TEX11: variants seen among roughly 807,000 people sequenced by gnomAD.
TEX11 encodes the protein testis expressed 11.
TEX11 carries 7 observed loss-of-function variants against 84.4 expected under a neutral mutation model. The ratio of observed to expected loss-of-function variants is 0.08; its 90% confidence interval spans 0.05 to 0.16. The LOEUF is 0.16. Among genes scored for constraint, TEX11 ranks in the 10% least tolerant of loss-of-function variants. TEX11 has a pLI of 1.00. For synonymous variants in TEX11, 264 were observed against 222.8 expected (o/e 1.18, Z -1.64); for missense variants, 551 against 660.5 (o/e 0.83, Z 1.82).
chrX:70,577,268 A>T (rs768325130), intron 25 of TEX11, among the ~76,000 whole-genome samples: 1 of 112,022 alleles, frequency 8.9e-6, no homozygotes, highest in East Asian at 2.8e-4. Flanking sequence ...GGATGGAAGA[A>T]ACAGAAAAAA....
the TEX11 span, among the ~76,000 whole-genome samples, chrX:70,512,343 C>T: frequency 1.9e-5 from 2 of 107,916 alleles, no homozygotes; most frequent in Admixed American, 2.0e-4. Flanking sequence ...CTCAGCCTCC[C>T]GAATAGCTGG....
chrX:70,625,776 CT>C (rs36048662), intron 18 of TEX11, among the ~76,000 whole-genome samples: 45,534 of 94,906 alleles, frequency 0.48, 9,680 homozygotes, highest in African/African-American at 0.72. Flanking sequence ...TTTTCTTTTT[CT>C]TTTTTTTTTT....
chrX:70,516,563 A>C, the TEX11 span, among the ~76,000 whole-genome samples: 109 of 111,610 alleles, frequency 9.8e-4, no homozygotes, highest in African/African-American at 3.5e-3. Flanking sequence ...GTGATGCCTC[A>C]AGCTTTGTTC....
intron 7 of TEX11, among the ~76,000 whole-genome samples, chrX:70,847,060 C>G (rs953996096): frequency 9.0e-6 from 1 of 111,628 alleles, no homozygotes; most frequent in African/African-American, 3.3e-5. Flanking sequence ...AGTTCTTGCT[C>G]TAGTAGTTCC....
chrX:70,654,709 CAAAAAAAAAAAA>C (rs56822297), intron 16 of TEX11, among the ~76,000 whole-genome samples: 1 of 37,627 alleles, frequency 2.7e-5, no homozygotes, highest in African/African-American at 1.2e-4. Context: ...GACTCTGTCT[CAAAAAAAAAAAA>C]AAAAAAAAAA....
intron 13 of TEX11, among the ~76,000 whole-genome samples, chrX:70,708,798 G>C (rs1424831742): frequency 9.1e-6 from 1 of 110,367 alleles, no homozygotes; most frequent in Non-Finnish European, 1.9e-5. Flanking sequence ...CTAGTAGAGG[G>C]GGGAGAGGTG....
At chrX:70,519,256 G>T in the TEX11 span, among the ~76,000 whole-genome samples, 1 of 111,961 alleles carries the variant, frequency 8.9e-6, no homozygotes, top group African/African-American at 3.2e-5. Flanking sequence ...GGTACGGGTT[G>T]TTCCTTTCCA....
intron 8 of TEX11, among the ~76,000 whole-genome samples, chrX:70,831,456 C>T (rs2091376127): frequency 9.0e-6 from 1 of 110,906 alleles, no homozygotes; most frequent in African/African-American, 3.3e-5. Flanking sequence ...GTGAAACCCC[C>T]ATCTCTACAA....
intron 16 of TEX11, among the ~76,000 whole-genome samples, chrX:70,665,423 T>C (rs2089968307): frequency 8.9e-6 from 1 of 111,755 alleles, no homozygotes; most frequent in African/African-American, 3.2e-5. Flanking sequence ...CAAATATTTT[T>C]AAATCCTCAA....
At chrX:70,621,621 AAACTT>A (rs2089396295) in intron 20 of TEX11, among the ~76,000 whole-genome samples, 1 of 95,271 alleles carries the variant, frequency 1.0e-5, no homozygotes, top group Non-Finnish European at 2.1e-5. Context: ...AATGAAATAA[AAACTT>A]AAAGCAAACA....
chrX:70,680,864 T>C (rs2090142618), intron 14 of TEX11, among the ~76,000 whole-genome samples: 1 of 112,271 alleles, frequency 8.9e-6, no homozygotes, highest in Non-Finnish European at 1.9e-5. Context: ...AATAAGGTTA[T>C]TGTGAATGAG....
chrX:70,864,993 G>A (rs1375771878), intron 4 of TEX11, among the ~76,000 whole-genome samples: 2 of 110,692 alleles, frequency 1.8e-5, no homozygotes, highest in Non-Finnish European at 3.8e-5. Flanking sequence ...ATCAATTAAC[G>A]AGCAAAATAA....
chrX:70,817,767 AAAGGAAAGGAAAAGG>A (rs1440276611), intron 8 of TEX11, among the ~76,000 whole-genome samples: 5 of 110,066 alleles, frequency 4.5e-5, no homozygotes, highest in Non-Finnish European at 7.6e-5. Context: ...AAAGGAAAAG[AAAGGAAAGGAAAAGG>A]AAGGAAAGGA....
intron 25 of TEX11, among the ~76,000 whole-genome samples, chrX:70,582,688 C>T (rs1362027140): frequency 9.1e-6 from 1 of 110,048 alleles, no homozygotes; most frequent in Non-Finnish European, 1.9e-5. Flanking sequence ...ATTGTGTTAC[C>T]TCCTATGTTA....
Position 70,610,525 on chromosome X carries a change from T to C in TEX11, c.1770A>G (p.Arg590=). ...TACCTCTATTCAGGCAAGTCAAAAG[T>C]CGATCCATTTCTTTCTTCCTAAAAA... ...ESEDKKKEMD[R]LLTCLNRAFV... Residue 590 remains arginine (R), a synonymous_variant, in exon 21 of 30, where the codon CGA becomes CGG. Transcript: ENST00000374333. 8.3e-7 allele frequency: 1 copy of C among 1,207,212 alleles called. No individual in the cohort carries two copies. Among genetic ancestry groups the C allele is most frequent in the Non-Finnish European group, 1.1e-6 (1 of 892,960 alleles).
chrX:70,693,121 A>T (rs1013941994), intron 13 of TEX11, among the ~76,000 whole-genome samples: 1 of 111,385 alleles, frequency 9.0e-6, no homozygotes, highest in African/African-American at 3.3e-5. Flanking sequence ...CACGCCTGTA[A>T]TCCCAGCTAC....
At chrX:70,592,443 T>C (rs2088945375) in intron 24 of TEX11, among the ~76,000 whole-genome samples, 1 of 111,394 alleles carries the variant, frequency 9.0e-6, no homozygotes, top group African/African-American at 3.3e-5. Context: ...ATCTCTATTG[T>C]AGAAGCTCTA....
chrX:70,844,784 A>T lies in TEX11; in HGVS notation c.525+8250T>A, dbSNP rs1356970029. On this transcript the variant is annotated intron_variant, in intron 7 of 29. Coordinates refer to ENST00000374333, the MANE Select transcript of TEX11 (RefSeq NM_031276.3). ...AGAAATACCAAAACAAAACAAAACA[A>T]AAAAGCCAGCAGTGGTGGTGTGCGC... Among the ~76,000 whole-genome samples the T allele has an allele frequency of 4.6e-5, 5 of 109,878 alleles. No homozygotes were observed. In the Admixed American group the frequency reaches 4.9e-4, roughly 11 times the overall value.
intron 28 of TEX11, among the ~76,000 whole-genome samples, chrX:70,539,727 A>T (rs899415122): frequency 1.8e-5 from 2 of 111,851 alleles, no homozygotes; most frequent in Non-Finnish European, 3.8e-5. Flanking sequence ...ACTCTTGAAC[A>T]TTATACATAA....
Sources: gnomAD v4.1 joint callset for allele counts (sites outside exome capture counted in the v4.1 genomes callset) on GRCh38, gnomAD v4.1.1 for gene constraint, MANE v1.5 for transcripts, NCBI Gene and HGNC (gene_info 2026-07-23, HGNC 2026-07-21) for gene names.